The following NUCB2 variants were observed in gnomAD, a reference collection of about 807,000 sequenced individuals.
NUCB2 encodes the protein nucleobindin 2.
In NUCB2, 48 loss-of-function variants were observed where a neutral mutation model predicts 57.9. The observed-to-expected ratio is 0.83, with a 90% CI of 0.66 to 1.05. NUCB2 has a LOEUF of 1.05. Ranked by LOEUF, NUCB2 falls within the 50% of genes least tolerant of loss-of-function variation. The pLI, the probability that NUCB2 is intolerant of heterozygous loss-of-function variation, is 0.00. For synonymous variants in NUCB2, 139 were observed against 152.1 expected (o/e 0.91, Z 0.64); for missense variants, 442 against 476.2 (o/e 0.93, Z 0.67).
At chr11:17,337,094 C>G (rs958018561), downstream of NUCB2, among the ~76,000 whole-genome samples, 2 of 151,840 alleles carry the variant, frequency 1.3e-5, no homozygotes, top group African/African-American at 4.8e-5. Context: ...GTGTGTGCTT[C>G]CATGCCCGGC....
chr11:17,348,007 T>A (rs1952883065), intron 2 of NUCB2, among the ~76,000 whole-genome samples: 1 of 152,228 alleles, frequency 6.6e-6, no homozygotes, highest in African/African-American at 2.4e-5. Context: ...GGGCTTGGAT[T>A]TTTATGTCTT....
At chr11:17,290,618 A>G (rs1309434311) in intron 2 of NUCB2, among the ~76,000 whole-genome samples, 6 of 152,142 alleles carry the variant, frequency 3.9e-5, no homozygotes, top group African/African-American at 1.4e-4. Context: ...AATTTACTGT[A>G]AAGCTAGAAA....
intron 1 of NUCB2, among the ~76,000 whole-genome samples, chr11:17,279,819 T>A (rs1315420641): frequency 7.0e-6 from 1 of 143,560 alleles, no homozygotes; most frequent in African/African-American, 2.6e-5. Flanking sequence ...AGGGCCTCAC[T>A]CTGTTGCCCA....
At chr11:17,345,568 G>A (rs561057417) in intron 2 of NUCB2, among the ~76,000 whole-genome samples, 4 of 152,214 alleles carry the variant, frequency 2.6e-5, no homozygotes, top group African/African-American at 9.6e-5. Flanking sequence ...TTAGCCGGGC[G>A]TGGTGGTGGG....
intron 2 of NUCB2, among the ~76,000 whole-genome samples, chr11:17,341,573 T>A: frequency 6.6e-6 from 1 of 152,216 alleles, no homozygotes; most frequent in South Asian, 2.1e-4. Context: ...ATTGAGATAA[T>A]CATGTGGTTT....
downstream of NUCB2, among the ~76,000 whole-genome samples, chr11:17,336,063 T>A (rs1020669485): frequency 6.6e-6 from 1 of 152,094 alleles, no homozygotes; most frequent in East Asian, 1.9e-4. Flanking sequence ...GATTTCGGAT[T>A]TTTTTGTAGC....
At chr11:17,318,158 GC>G (rs893204980) in intron 11 of NUCB2, among the ~76,000 whole-genome samples, 1 of 151,770 alleles carries the variant, frequency 6.6e-6, no homozygotes, top group Non-Finnish European at 1.5e-5. Flanking sequence ...GAGACCACAG[GC>G]ATGCACCACC....
Position 17,310,956 on chromosome 11 carries a change from T to C in NUCB2, c.615T>C (p.Ser205=), listed in dbSNP as rs887684721. The change falls in exon 7 of 14, where the codon TCT becomes TCC. Residue 205 remains serine (S), a synonymous_variant. Coordinates refer to ENST00000529010, the MANE Select transcript of NUCB2 (RefSeq NM_005013.4). ...AAGAAAAGAGAAAAGAAGAAGAGTC[T>C]AAATTTGAAGAAATGAAGAAAAAGC... ...LNEEKRKEEE[S]KFEEMKKKHE... The C allele has an allele frequency of 5.0e-6, 8 of 1,589,404 alleles. No homozygotes were observed. In the African/African-American group the frequency reaches 8.2e-5, roughly 16 times the overall value.
intron 3 of NUCB2, 62 bp downstream of exon 3, chr11:17,295,529 C>T (rs534773497): frequency 1.2e-5 from 15 of 1,267,222 alleles, no homozygotes; most frequent in Non-Finnish European, 1.7e-5. Context: ...ATAATTGTAA[C>T]TAAATGAGGT....
chr11:17,319,308 T>C (rs1474268990), intron 11 of NUCB2, among the ~76,000 whole-genome samples: 1 of 152,246 alleles, frequency 6.6e-6, no homozygotes, highest in Non-Finnish European at 1.5e-5. Context: ...TGAGAGTTTC[T>C]TCAGACTGGC....
intron 2 of NUCB2, among the ~76,000 whole-genome samples, chr11:17,345,396 T>G (rs1008406421): frequency 4.6e-5 from 7 of 152,250 alleles, no homozygotes; most frequent in African/African-American, 1.4e-4. Flanking sequence ...AATTTTCAAT[T>G]TAAATGTTGA....
chr11:17,304,658 C>T (rs1947324249), intron 5 of NUCB2, among the ~76,000 whole-genome samples: 1 of 152,062 alleles, frequency 6.6e-6, no homozygotes, highest in African/African-American at 2.4e-5. Context: ...AATTGAGCCC[C>T]TCAATAGGAA....
intron 6 of NUCB2, 70 bp downstream of exon 6, chr11:17,309,745 A>C (rs1948205100): frequency 2.2e-6 from 2 of 898,798 alleles, no homozygotes; most frequent in Non-Finnish European, 3.4e-6. Flanking sequence ...AAGTAAACCC[A>C]ATGAAATGGA....
At chr11:17,284,446 G>A (rs1461757353) in intron 2 of NUCB2, among the ~76,000 whole-genome samples, 1 of 152,144 alleles carries the variant, frequency 6.6e-6, no homozygotes, top group Admixed American at 6.6e-5. Context: ...AAGAAATTCA[G>A]GGAATGGAAA....
chr11:17,333,108 A>G (rs1395562821), downstream of NUCB2: 1 of 152,136 alleles, frequency 6.6e-6, no homozygotes, highest in African/African-American at 2.4e-5. Flanking sequence ...AAATAATTAA[A>G]TCTCTCTGCT....
intron 10 of NUCB2, 54 bp from the exon 11 acceptor site, chr11:17,315,331 TA>T (rs1277182545): frequency 2.0e-6 from 2 of 990,352 alleles, no homozygotes; most frequent in Middle Eastern, 6.3e-4. Context: ...TGATAGTGTC[TA>T]AATAATATGA....
chr11:17,288,939 A>G (rs1305115914), intron 2 of NUCB2, among the ~76,000 whole-genome samples: 1 of 91,508 alleles, frequency 1.1e-5, no homozygotes, highest in Admixed American at 1.2e-4. Context: ...ACACACACAC[A>G]CACACACACA....
intron 11 of NUCB2, among the ~76,000 whole-genome samples, chr11:17,324,485 G>A (rs1401764698): frequency 6.6e-6 from 1 of 151,936 alleles, no homozygotes; most frequent in African/African-American, 2.4e-5. Context: ...CCAGGCTAGA[G>A]GGCAGTGGCA....
At chr11:17,283,852 A>G (rs192626305) in intron 2 of NUCB2, among the ~76,000 whole-genome samples, 11 of 152,356 alleles carry the variant, frequency 7.2e-5, no homozygotes, top group Non-Finnish European at 1.5e-4. Flanking sequence ...CTCAAGATAC[A>G]TTTCACTATG....
Sources: allele counts gnomAD v4.1 joint callset (sites outside exome capture counted in the v4.1 genomes callset), GRCh38; gene constraint gnomAD v4.1.1; transcripts MANE v1.5; gene names NCBI Gene and HGNC (gene_info 2026-07-23, HGNC 2026-07-21).